ARMC6: variants seen among roughly 807,000 people sequenced by gnomAD.
ARMC6 encodes armadillo repeat containing 6.
ARMC6 carries 43 observed loss-of-function variants against 49.2 expected under a neutral mutation model. The observed-to-expected ratio is 0.87, with a 90% CI of 0.69 to 1.13. The LOEUF is 1.13. ARMC6 is among the 50% of genes most tolerant of loss of function. The probability of loss-of-function intolerance (pLI) is 0.00; values close to 1 mark genes in which losing one functional copy is unlikely to be tolerated. For synonymous variants in ARMC6, 262 were observed against 289.6 expected, an observed-to-expected ratio of 0.90 and a Z score of 0.97; for missense variants, 627 against 682.0, an observed-to-expected ratio of 0.92 and a Z score of 0.90.
At chr19:19,040,732 T>C in intron 2 of ARMC6, 1 of 443,326 alleles carries the variant, frequency 2.3e-6, no homozygotes, top group East Asian at 7.6e-5. Flanking sequence ...CACTGCAACC[T>C]CCGCCTCTGT....
chr19:19,055,168 G>A lies in ARMC6; in HGVS notation c.1024-97G>A. ...CACACCCTGCAGTCACACCATACCT[G>A]TTGGTCAAACAGCAAAACAGCCCCA... On this transcript the variant is annotated intron_variant, in intron 6 of 8. Transcript: ENST00000535612. This position sits in a 1 kb window ranked among gnomAD's most constrained non-coding sequence, Gnocchi z 5.7. The A allele has an allele frequency of 1.4e-6, 2 of 1,458,716 alleles. No individual in the cohort carries two copies. The highest frequency in any genetic ancestry group is 2.8e-5 in the South Asian group (2 of 71,972). The allele number at this position is 1,458,716 out of a possible 1,614,324, so 90.4% of individuals were successfully genotyped here.
At chr19:19,042,426 G>A (rs1214548038) in intron 2 of ARMC6, among the ~76,000 whole-genome samples, 1 of 151,844 alleles carries the variant, frequency 6.6e-6, no homozygotes, top group African/African-American at 2.4e-5. Flanking sequence ...ATGGCTCACT[G>A]CAGCCTTGAC....
chr19:19,051,365 CTCTCTCTCTCTGTGTG>C (rs1164039959), intron 4 of ARMC6, among the ~76,000 whole-genome samples: 1 of 129,056 alleles, frequency 7.7e-6, no homozygotes, highest in African/African-American at 3.7e-5. Context: ...CTGGATCTCT[CTCTCTCTCTCTGTGTG>C]TGTGTGTGTG....
rs1228983206 is a variant in ARMC6 at position 19,043,021 on chromosome 19, G to T, written c.196+144G>T. On this transcript the variant is annotated intron_variant, in intron 3 of 8. Coordinates refer to ENST00000535612, the MANE Select transcript of ARMC6 (RefSeq NM_001199196.2). ...TTGGGCCCTGTCCCCTCCAGCTTCT[G>T]CCCGAGGCAGGCTGGTTATCCTGCT... The T allele has an allele frequency of 1.2e-5, 12 of 1,022,420 alleles. No individual in the cohort carries two copies. In the East Asian group the frequency reaches 3.0e-4, roughly 25 times the overall value. 63.3% of individuals were successfully genotyped at this position (1,022,420 alleles called of 1,614,324 possible).
At chr19:19,037,711 G>A (rs960353897) in intron 2 of ARMC6, 1 of 1,133,414 alleles carries the variant, frequency 8.8e-7, no homozygotes, top group Admixed American at 4.5e-5. Flanking sequence ...AAGCAAGGTG[G>A]ATATATTGAA....
At chr19:19,047,613 G>A (rs569156021) in intron 4 of ARMC6, among the ~76,000 whole-genome samples, 1 of 152,294 alleles carries the variant, frequency 6.6e-6, no homozygotes, top group African/African-American at 2.4e-5. Flanking sequence ...GAGCGCCACA[G>A]AAAATTGTCA....
At chr19:19,053,699 G>A (rs938925846) in intron 5 of ARMC6, among the ~76,000 whole-genome samples, 4 of 152,054 alleles carry the variant, frequency 2.6e-5, no homozygotes, top group South Asian at 4.2e-4. Context: ...CTGGTGCAGC[G>A]CCTCTGGGCT....
chr19:19,045,774 C>G (rs2059445485), intron 4 of ARMC6, among the ~76,000 whole-genome samples: 2 of 151,930 alleles, frequency 1.3e-5, no homozygotes, highest in South Asian at 4.2e-4. Flanking sequence ...GCCTCAGCCT[C>G]CCGAGTAGCT....
At chr19:19,038,565 T>A (rs2059387511) in intron 2 of ARMC6, among the ~76,000 whole-genome samples, 1 of 152,122 alleles carries the variant, frequency 6.6e-6, no homozygotes, top group South Asian at 2.1e-4. Flanking sequence ...TATACTGGGT[T>A]TTACTTGTTT....
intron 2 of ARMC6, among the ~76,000 whole-genome samples, chr19:19,035,161 G>A (rs2059347242): frequency 6.6e-6 from 1 of 152,150 alleles, no homozygotes; most frequent in Non-Finnish European, 1.5e-5. Context: ...ACCGTGCCCG[G>A]CCCTGGCTAA....
chr19:19,048,429 G>A (rs1298778516), intron 4 of ARMC6, among the ~76,000 whole-genome samples: 3 of 151,896 alleles, frequency 2.0e-5, no homozygotes, highest in Non-Finnish European at 2.9e-5. Flanking sequence ...AGGCTAAGGC[G>A]GGAGAATCAC....
At position 19,055,260 on chromosome 19, in the gene ARMC6, T is replaced by C. The variant is rs373323978; in HGVS notation, c.1024-5T>C. On this transcript the variant is annotated splice_region_variant and splice_polypyrimidine_tract_variant and intron_variant, in intron 6 of 8. Coordinates refer to ENST00000535612, the MANE Select transcript of ARMC6 (RefSeq NM_001199196.2). This position sits in a 1 kb window ranked among gnomAD's most constrained non-coding sequence, Gnocchi z 5.7. ...TGGAGGTGAGCGGGCCTTTCCCTTG[T>C]GCAGGAGCTCGTGAAGCAAGTGCTG... 5 of 1,593,036 alleles carry C rather than the reference T, an allele frequency of 3.1e-6. No homozygotes were observed. The highest frequency in any genetic ancestry group is 4.3e-6 in the Non-Finnish European group (5 of 1,169,580).
Position 19,052,092 on chromosome 19 carries a change from C to G in ARMC6, c.750C>G (p.Thr250=). 3 of 1,613,954 alleles carry G rather than the reference C, an allele frequency of 1.9e-6. No homozygotes were observed. Among genetic ancestry groups the G allele is most frequent in the Admixed American group, 3.3e-5 (2 of 60,032 alleles). The change falls in exon 5 of 9, where the codon ACC becomes ACG. Residue 250 remains threonine (T), a synonymous_variant. Transcript: ENST00000535612. Reference sequence around the variant, plus strand: ...CCTGCTGGGCCCTGCGTGTCATGACCTTCGATGACGACATCCGTGTGCCCT... The same window carrying G: ...CCTGCTGGGCCCTGCGTGTCATGACGTTCGATGACGACATCCGTGTGCCCT... ...REACWALRVM[T]FDDDIRVPFG... is the part of the protein sequence containing the mutation.
At position 19,046,927 on chromosome 19, in the gene ARMC6, G is replaced by GTTTTTTTTTTTTTTT. The variant is rs386388691; in HGVS notation, c.279+2854_279+2868dup. 1.4e-4 allele frequency among the ~76,000 whole-genome samples: 15 copies of GTTTTTTTTTTTTTTT among 104,316 alleles called. 1 individual carries two copies. Among genetic ancestry groups the GTTTTTTTTTTTTTTT allele is most frequent in the Non-Finnish European group, 1.5e-4 (8 of 54,492 alleles). The allele number at this position is 104,316 out of a possible 152,430, so 68.4% of individuals were successfully genotyped here. On this transcript the variant is annotated intron_variant, in intron 4 of 8. Coordinates refer to ENST00000535612, the MANE Select transcript of ARMC6 (RefSeq NM_001199196.2). ...CAGGTGTGAGCCAACATGCTCACCTGTTTTTTTTTTTTTTTCTTTTTCTAT... is the reference window on the plus strand; with the variant it reads ...CAGGTGTGAGCCAACATGCTCACCTGTTTTTTTTTTTTTTTTTTTTTTTTTTTTTTCTTTTTCTAT...
At chr19:19,053,476 G>T (rs945801779) in intron 5 of ARMC6, among the ~76,000 whole-genome samples, 1 of 151,980 alleles carries the variant, frequency 6.6e-6, no homozygotes, top group Non-Finnish European at 1.5e-5. Context: ...GACAAAGCGA[G>T]ACTCTGTCTC....
Position 19,036,762 on chromosome 19 carries a change from C to G in ARMC6, c.29+2524C>G, listed in dbSNP as rs78446236. On this transcript the variant is annotated intron_variant, in intron 2 of 8. Coordinates refer to ENST00000535612, the MANE Select transcript of ARMC6 (RefSeq NM_001199196.2). ...CCTCTTAAGCAACAAAGGAAAGGAA[C>G]AAATAGCTAATTTATTGAGCCTGTC... is the stretch of plus-strand genomic sequence containing the variant. 5.3e-3 allele frequency among the ~76,000 whole-genome samples: 806 copies of G among 152,330 alleles called. 11 individuals carry two copies. The highest frequency in any genetic ancestry group is 0.018 in the African/African-American group (764 of 41,568).
At chr19:19,037,732 T>C in intron 2 of ARMC6, 1 of 1,116,624 alleles carries the variant, frequency 9.0e-7, no homozygotes, top group Admixed American at 4.6e-5. Flanking sequence ...ACAATTAAAA[T>C]TTAAAAAGTT....
At position 19,055,317 on chromosome 19, in the gene ARMC6, A is replaced by G. The variant is rs2145880481; in HGVS notation, c.1076A>G (p.Asp359Gly). The change falls in exon 7 of 9, where the codon GAC becomes GGC. Residue 359 changes from aspartate to glycine, a missense_variant. Coordinates refer to ENST00000535612, the MANE Select transcript of ARMC6 (RefSeq NM_001199196.2). The surrounding 1 kb of genome is among the most constrained non-coding windows in gnomAD (Gnocchi z 5.7). ...CTGCGAGCCATCGCAGGCAACGACG[A>G]CGTGAAAGATGCTATTGTCCGTGCT... is the stretch of plus-strand genomic sequence containing the variant. ...STLRAIAGND[D>G]VKDAIVRAGG... 1 of 1,613,012 alleles carries G rather than the reference A, an allele frequency of 6.2e-7. No individual in the cohort carries two copies. Among genetic ancestry groups the G allele is most frequent in the African/African-American group, 1.3e-5 (1 of 74,980 alleles).
chr19:19,039,258 C>T (rs572741570), intron 2 of ARMC6: 2 of 374,978 alleles, frequency 5.3e-6, no homozygotes, highest in East Asian at 1.8e-4. Flanking sequence ...CTTCAGCCTC[C>T]CGAGTAACTT....
Sources: gnomAD v4.1 joint callset for allele counts (sites outside exome capture counted in the v4.1 genomes callset) on GRCh38, gnomAD v4.1.1 for gene constraint, Gnocchi (gnomAD v3.1) non-coding constraint, MANE v1.5 for transcripts, NCBI Gene and HGNC (gene_info 2026-07-23, HGNC 2026-07-21) for gene names.